RFX3: variants seen among roughly 807,000 people sequenced by gnomAD.
The protein encoded by RFX3 is regulatory factor X3.
A neutral mutation model predicts 98.6 loss-of-function variants in RFX3; 14 were observed. That is an observed-to-expected ratio of 0.14 (90% CI 0.09 to 0.22). The LOEUF is 0.22. Among genes scored for constraint, RFX3 ranks in the 10% least tolerant of loss-of-function variants. The probability of loss-of-function intolerance (pLI) is 1.00; values close to 1 mark genes in which losing one functional copy is unlikely to be tolerated. For missense variants in RFX3, 639 were observed against 926.9 expected (o/e 0.69, Z 4.03); for synonymous variants, 383 against 328.4 (o/e 1.17, Z -1.80).
At chr9:3,420,912 C>G in intron 1 of RFX3, 1 of 983,536 alleles carries the variant, frequency 1.0e-6, no homozygotes, top group Non-Finnish European at 1.2e-6. Flanking sequence ...CTGAAACCAG[C>G]AAATATGGAT....
At chr9:3,254,396 G>C (rs1394577150) in intron 14 of RFX3, among the ~76,000 whole-genome samples, 1 of 152,036 alleles carries the variant, frequency 6.6e-6, no homozygotes, top group Non-Finnish European at 1.5e-5. Context: ...CTCTGCCTTT[G>C]GTCATATAAG....
chr9:3,509,274 C>G (rs1808645134), intron 1 of RFX3, among the ~76,000 whole-genome samples: 1 of 151,864 alleles, frequency 6.6e-6, no homozygotes, highest in African/African-American at 2.4e-5. Context: ...ATATCAGCTG[C>G]CAGTATTTTA....
chr9:3,509,218 C>G (rs1817424653), intron 1 of RFX3, among the ~76,000 whole-genome samples: 1 of 151,924 alleles, frequency 6.6e-6, no homozygotes, highest in South Asian at 2.1e-4. Context: ...AAGAGCGCTG[C>G]TACACTTTTA....
At chr9:3,375,229 C>T (rs192631422) in intron 2 of RFX3, among the ~76,000 whole-genome samples, 1 of 152,168 alleles carries the variant, frequency 6.6e-6, no homozygotes, top group South Asian at 2.1e-4. Flanking sequence ...ACTATGAAGA[C>T]CATTAACTCC....
chr9:3,524,428 T>C, intron 1 of RFX3: 1 of 671,914 alleles, frequency 1.5e-6, no homozygotes, highest in Non-Finnish European at 1.8e-6. Flanking sequence ...AAGAATATGT[T>C]AAGTACACAC....
At chr9:3,359,418 T>C (rs566287667) in intron 2 of RFX3, among the ~76,000 whole-genome samples, 14 of 152,168 alleles carry the variant, frequency 9.2e-5, no homozygotes, top group Non-Finnish European at 1.5e-4. Flanking sequence ...TAAAGGTGGA[T>C]TGGAAAGCCA....
chr9:3,402,960 G>A (rs145201718), intron 1 of RFX3, among the ~76,000 whole-genome samples: 208 of 151,848 alleles, frequency 1.4e-3, no homozygotes, highest in Non-Finnish European at 2.1e-3. Context: ...CTAGAAAGAC[G>A]ATGTACAATG....
chr9:3,456,750 A>G (rs992781146), intron 1 of RFX3, among the ~76,000 whole-genome samples: 8 of 151,932 alleles, frequency 5.3e-5, no homozygotes, highest in African/African-American at 1.7e-4. Flanking sequence ...CTACATGGGG[A>G]AAAAAAAGTC....
chr9:3,399,273 TAAAAA>T (rs35058002), intron 1 of RFX3, among the ~76,000 whole-genome samples: 1 of 118,288 alleles, frequency 8.5e-6, no homozygotes, highest in South Asian at 2.7e-4. Flanking sequence ...TGTCTCTGCT[TAAAAA>T]AAAAAAAAAA....
intron 1 of RFX3, among the ~76,000 whole-genome samples, chr9:3,421,196 G>C (rs148622785): frequency 6.6e-6 from 1 of 152,224 alleles, no homozygotes; most frequent in East Asian, 1.9e-4. Context: ...AACCTCTAAA[G>C]AACTACTCAG....
At chr9:3,274,016 A>G (rs1563840696) in intron 9 of RFX3, among the ~76,000 whole-genome samples, 1 of 152,234 alleles carries the variant, frequency 6.6e-6, no homozygotes, top group Non-Finnish European at 1.5e-5. Flanking sequence ...CTCTATATAC[A>G]TAAGGAAAAT....
At chr9:3,269,602 G>A (rs7469188) in intron 11 of RFX3, among the ~76,000 whole-genome samples, 2 of 152,170 alleles carry the variant, frequency 1.3e-5, no homozygotes, top group East Asian at 1.9e-4. Context: ...CGTTTATATC[G>A]ATACTTGAGA....
chr9:3,522,839 T>G lies in RFX3; in HGVS notation c.-9+2908A>C, dbSNP rs572431116. 5.6e-4 allele frequency among the ~76,000 whole-genome samples: 86 copies of G among 152,344 alleles called. 1 individual carries two copies. In the Middle Eastern group the frequency reaches 0.014, roughly 24 times the overall value. On this transcript the variant is annotated intron_variant, in intron 1 of 16. Coordinates refer to ENST00000617270, the MANE Select transcript of RFX3 (RefSeq NM_001282116.2). ...GATTCATTCATTTTTTAATTGCTAT[T>G]GTTAATGGTAAAAAAATTAACCATA... is the stretch of plus-strand genomic sequence containing the variant.
intron 8 of RFX3, 29 bp from the exon 9 acceptor site, chr9:3,275,641 A>G (rs1238860378): frequency 7.1e-7 from 1 of 1,405,774 alleles, no homozygotes; most frequent in Non-Finnish European, 1.0e-6. Context: ...AACAGAAAAA[A>G]GCTATTGTGG....
chr9:3,514,718 G>A (rs886580575), intron 1 of RFX3, among the ~76,000 whole-genome samples: 1 of 152,086 alleles, frequency 6.6e-6, no homozygotes, highest in Non-Finnish European at 1.5e-5. Context: ...CAATGTGCTG[G>A]GATTACAAGT....
At chr9:3,396,129 G>C (rs930085376) in intron 1 of RFX3, among the ~76,000 whole-genome samples, 4 of 151,594 alleles carry the variant, frequency 2.6e-5, no homozygotes, top group Admixed American at 6.6e-5. Context: ...ATGTTGGTGT[G>C]CTATACCCAT....
intron 2 of RFX3, among the ~76,000 whole-genome samples, chr9:3,357,904 G>A (rs903176019): frequency 6.6e-6 from 1 of 151,878 alleles, no homozygotes; most frequent in Non-Finnish European, 1.5e-5. Flanking sequence ...TTCTCTAAAA[G>A]GTCTTCTGTA....
intron 14 of RFX3, among the ~76,000 whole-genome samples, chr9:3,249,567 C>G (rs543379983): frequency 1.8e-4 from 28 of 152,176 alleles, no homozygotes; most frequent in African/African-American, 6.3e-4. Flanking sequence ...ATAGGAGAAG[C>G]TGACTTTCTC....
intron 2 of RFX3, among the ~76,000 whole-genome samples, chr9:3,382,693 T>G (rs1185970454): frequency 6.6e-6 from 1 of 152,182 alleles, no homozygotes; most frequent in Non-Finnish European, 1.5e-5. Context: ...TCCTTTAGAG[T>G]ACCTGTAATT....
Sources: gnomAD v4.1 joint callset for allele counts (sites outside exome capture counted in the v4.1 genomes callset) on GRCh38, gnomAD v4.1.1 for gene constraint, MANE v1.5 for transcripts, NCBI Gene and HGNC (gene_info 2026-07-23, HGNC 2026-07-21) for gene names.